GXYLT1: variants seen among roughly 807,000 people sequenced by gnomAD.
The protein encoded by GXYLT1 is glucoside xylosyltransferase 1, also known as glycosyltransferase 8 domain containing 3.
Under a neutral mutation model 54.0 loss-of-function variants are expected in GXYLT1, and 29 were observed. The observed-to-expected ratio is 0.54, with a 90% CI of 0.40 to 0.73. The LOEUF is 0.73. Among genes scored for constraint, GXYLT1 ranks in the 30% least tolerant of loss-of-function variants. The pLI is 0.00. For synonymous variants in GXYLT1, 176 were observed against 204.1 expected (o/e 0.86, Z 1.17); for missense variants, 490 against 553.4 (o/e 0.89, Z 1.15).
chr12:42,131,773 T>C (rs2065595205), intron 1 of GXYLT1, among the ~76,000 whole-genome samples: 1 of 152,226 alleles, frequency 6.6e-6, no homozygotes, highest in Non-Finnish European at 1.5e-5. Flanking sequence ...ACAGTCAGAC[T>C]CATTGATGGT....
intron 4 of GXYLT1, among the ~76,000 whole-genome samples, chr12:42,108,977 C>T (rs568391834): frequency 6.6e-6 from 1 of 152,070 alleles, no homozygotes; most frequent in South Asian, 2.1e-4. Context: ...GGTAACCTTG[C>T]TTCAGAACAT....
chr12:42,104,838 T>C (rs1017540123), intron 5 of GXYLT1, among the ~76,000 whole-genome samples: 9 of 152,334 alleles, frequency 5.9e-5, no homozygotes, highest in African/African-American at 2.2e-4. Context: ...TATCCCTTAA[T>C]GTTTAATTTA....
At position 42,109,550 on chromosome 12, in the gene GXYLT1, A is replaced by AG; in HGVS notation, c.612+15dup. The AG allele has an allele frequency of 6.9e-7, 1 of 1,444,040 alleles. No individual in the cohort carries two copies. The highest frequency in any genetic ancestry group is 2.9e-5 in the Admixed American group (1 of 34,176). 89.5% of individuals were successfully genotyped at this position (1,444,040 alleles called of 1,614,324 possible). A position where few individuals can be genotyped will look rare whatever the true frequency, so the allele number is the denominator to read the frequency against. ...AAAAAAAAAAAAAAAAAAAGACACT[A>AG]GGGGAAAAAACTTACCGGCAAGAAC... is the stretch of plus-strand genomic sequence containing the variant. On this transcript the variant is annotated intron_variant, in intron 4 of 7. Coordinates refer to ENST00000398675, the MANE Select transcript of GXYLT1 (RefSeq NM_173601.2).
intron 4 of GXYLT1, among the ~76,000 whole-genome samples, chr12:42,108,006 A>G (rs2065431004): frequency 6.6e-6 from 1 of 152,216 alleles, no homozygotes; most frequent in African/African-American, 2.4e-5. Context: ...TTTTAAAGGA[A>G]GAGAAACTCA....
At chr12:42,126,780 T>A (rs1442319515) in intron 2 of GXYLT1, among the ~76,000 whole-genome samples, 1 of 150,424 alleles carries the variant, frequency 6.6e-6, no homozygotes, top group Non-Finnish European at 1.5e-5. Context: ...CTCAGGAGAC[T>A]GAGGCAGGAG....
intron 3 of GXYLT1, among the ~76,000 whole-genome samples, chr12:42,111,320 C>A (rs963606460): frequency 2.6e-5 from 4 of 152,322 alleles, no homozygotes; most frequent in Admixed American, 6.5e-5. Context: ...GCGAGCCGAA[C>A]CGGGGCGAGG....
chr12:42,134,489 T>C (rs1449105104), intron 1 of GXYLT1, among the ~76,000 whole-genome samples: 1 of 152,178 alleles, frequency 6.6e-6, no homozygotes, highest in Non-Finnish European at 1.5e-5. Flanking sequence ...AAAAAATTTT[T>C]TGTAGAGACA....
At chr12:42,125,603 A>G (rs1355464848) in intron 2 of GXYLT1, among the ~76,000 whole-genome samples, 3 of 152,218 alleles carry the variant, frequency 2.0e-5, no homozygotes, top group Non-Finnish European at 2.9e-5. Flanking sequence ...AGTAGTAAAC[A>G]GTGTCAAATG....
At chr12:42,135,451 A>C (rs1029837195) in intron 1 of GXYLT1, among the ~76,000 whole-genome samples, 1 of 152,210 alleles carries the variant, frequency 6.6e-6, no homozygotes, top group Non-Finnish European at 1.5e-5. Context: ...ATGACTCACC[A>C]ATTAAATTCC....
intron 7 of GXYLT1, among the ~76,000 whole-genome samples, chr12:42,095,291 A>C (rs1434380659): frequency 2.0e-5 from 3 of 152,188 alleles, no homozygotes; most frequent in Non-Finnish European, 4.4e-5. Flanking sequence ...TCACCTTCCA[A>C]CAATACAAAT....
At chr12:42,088,299 G>A (rs148713211) in intron 7 of GXYLT1, among the ~76,000 whole-genome samples, 21 of 151,960 alleles carry the variant, frequency 1.4e-4, no homozygotes, top group African/African-American at 4.3e-4. Context: ...CCACACCCGC[G>A]TCCCACCTTT....
chr12:42,092,009 T>TA (rs905659305), intron 7 of GXYLT1, among the ~76,000 whole-genome samples: 1 of 152,164 alleles, frequency 6.6e-6, no homozygotes, highest in African/African-American at 2.4e-5. Flanking sequence ...GGAAAACTCT[T>TA]ACTCATTCTT....
chr12:42,134,171 G>C (rs900671703), intron 1 of GXYLT1, among the ~76,000 whole-genome samples: 2 of 151,894 alleles, frequency 1.3e-5, no homozygotes, highest in Non-Finnish European at 2.9e-5. Flanking sequence ...ATGCACACCA[G>C]GTCTGGGCAA....
intron 2 of GXYLT1, among the ~76,000 whole-genome samples, chr12:42,124,165 G>A (rs7975932): frequency 0.18 from 27,741 of 151,280 alleles, 2,837 homozygotes; most frequent in South Asian, 0.27. Flanking sequence ...TCTTAAAACT[G>A]GTATGAACTA....
chr12:42,091,052 G>A (rs7135955), intron 7 of GXYLT1, among the ~76,000 whole-genome samples: 22,247 of 152,148 alleles, frequency 0.15, 1,738 homozygotes, highest in South Asian at 0.21. Flanking sequence ...CCATGGCTAT[G>A]ACTAAGCCTC....
intron 7 of GXYLT1, among the ~76,000 whole-genome samples, chr12:42,092,576 G>C (rs1173428493): frequency 6.6e-6 from 1 of 152,014 alleles, no homozygotes; most frequent in African/African-American, 2.4e-5. Flanking sequence ...GGACTAATAA[G>C]AACAAGAAGA....
At chr12:42,140,466 A>C (rs538052246) in intron 1 of GXYLT1, among the ~76,000 whole-genome samples, 2 of 152,284 alleles carry the variant, frequency 1.3e-5, no homozygotes, top group African/African-American at 4.8e-5. Flanking sequence ...TGTGTCAGGC[A>C]CCATACTAGG....
At chr12:42,131,861 G>C (rs1369958344) in intron 1 of GXYLT1, among the ~76,000 whole-genome samples, 1 of 152,114 alleles carries the variant, frequency 6.6e-6, no homozygotes, top group Non-Finnish European at 1.5e-5. Flanking sequence ...TTTTAAGGTA[G>C]GTATGATCTC....
chr12:42,091,299 A>G (rs994919796), intron 7 of GXYLT1, among the ~76,000 whole-genome samples: 1 of 152,210 alleles, frequency 6.6e-6, no homozygotes, highest in Non-Finnish European at 1.5e-5. Context: ...TTTTTTAAAA[A>G]AAAATCAAGT....
Sources: allele counts gnomAD v4.1 joint callset (sites outside exome capture counted in the v4.1 genomes callset), GRCh38; gene constraint gnomAD v4.1.1; transcripts MANE v1.5; gene names NCBI Gene and HGNC (gene_info 2026-07-23, HGNC 2026-07-21).